VPS13D: variants seen among roughly 807,000 people sequenced by gnomAD.
VPS13D encodes intermembrane lipid transfer protein VPS13D.
Under a neutral mutation model 461.9 loss-of-function variants are expected in VPS13D, and 187 were observed. The observed-to-expected ratio is 0.40, with a 90% CI of 0.36 to 0.46. VPS13D has a LOEUF of 0.46. Ranked by LOEUF, VPS13D falls within the 20% of genes least tolerant of loss-of-function variation. The pLI, the probability that VPS13D is intolerant of heterozygous loss-of-function variation, is 0.60. For synonymous variants in VPS13D, 1,951 were observed against 1,986.3 expected (o/e 0.98, Z 0.47); for missense variants, 4,711 against 5,364.9 (o/e 0.88, Z 3.81).
intron 57 of VPS13D, among the ~76,000 whole-genome samples, chr1:12,379,915 C>T (rs1056077047): frequency 2.0e-5 from 3 of 152,016 alleles, no homozygotes; most frequent in South Asian, 4.2e-4. Flanking sequence ...ACTACAGGTG[C>T]CCGCCACCAC....
At chr1:12,355,283 A>G (rs1246379705) in intron 47 of VPS13D, among the ~76,000 whole-genome samples, 2 of 152,230 alleles carry the variant, frequency 1.3e-5, no homozygotes, top group African/African-American at 2.4e-5. Context: ...CGGAGTCCTC[A>G]GGCCATATTT....
At chr1:12,463,688 G>T (rs1010276656) in intron 67 of VPS13D, among the ~76,000 whole-genome samples, 3 of 152,140 alleles carry the variant, frequency 2.0e-5, no homozygotes, top group Non-Finnish European at 4.4e-5. Flanking sequence ...CTGGAAGGTT[G>T]AGGCTGCAGT....
chr1:12,462,919 T>C (rs1162382620), intron 67 of VPS13D, among the ~76,000 whole-genome samples: 1 of 152,140 alleles, frequency 6.6e-6, no homozygotes, highest in Non-Finnish European at 1.5e-5. Flanking sequence ...ACTCCTCATC[T>C]CAGCCCAATG....
chr1:12,303,012 G>A (rs573623632), intron 25 of VPS13D, among the ~76,000 whole-genome samples: 6 of 152,038 alleles, frequency 3.9e-5, no homozygotes, highest in African/African-American at 1.4e-4. Flanking sequence ...CATCTGTGAA[G>A]TTCACCTCCC....
intron 68 of VPS13D, among the ~76,000 whole-genome samples, chr1:12,506,387 G>A (rs1002952984): frequency 3.3e-5 from 5 of 152,206 alleles, no homozygotes; most frequent in Non-Finnish European, 4.4e-5. Flanking sequence ...GTCCCTGGAG[G>A]TGCTGAGCTT....
intron 29 of VPS13D, among the ~76,000 whole-genome samples, chr1:12,313,299 CTTTTTTTTTTTTTTTT>C (rs765170972): frequency 1.6e-3 from 191 of 117,584 alleles, no homozygotes; most frequent in African/African-American, 6.2e-3. Flanking sequence ...TTATTCTTTC[CTTTTTTTTTTTTTTTT>C]TTTTTTTTTT....
At chr1:12,353,850 A>T in intron 46 of VPS13D, 124 bp from the exon 47 acceptor site, 2 of 1,016,584 alleles carry the variant, frequency 2.0e-6, no homozygotes, top group Non-Finnish European at 1.4e-6. Flanking sequence ...ATTTGGATTG[A>T]AAACTGCAAA....
chr1:12,278,063 T>A (rs1641668325), intron 19 of VPS13D, 25 bp downstream of exon 19: 1 of 1,569,200 alleles, frequency 6.4e-7, no homozygotes. Context: ...TCTTTTGTTC[T>A]ATTTTGTTTA....
intron 2 of VPS13D, among the ~76,000 whole-genome samples, chr1:12,238,196 A>AAT (rs1235956975): frequency 1.1e-4 from 15 of 138,870 alleles, no homozygotes; most frequent in South Asian, 2.5e-4. Context: ...TCCCCCCCAA[A>AAT]ATATATATAT....
At chr1:12,312,515 T>G (rs1464207820) in intron 29 of VPS13D, among the ~76,000 whole-genome samples, 1 of 152,140 alleles carries the variant, frequency 6.6e-6, no homozygotes, top group Non-Finnish European at 1.5e-5. Context: ...CCCAGCACTT[T>G]AGGAAGCCAA....
intron 55 of VPS13D, among the ~76,000 whole-genome samples, chr1:12,376,484 G>T (rs1167069595): frequency 6.6e-6 from 1 of 152,218 alleles, no homozygotes; most frequent in Non-Finnish European, 1.5e-5. Flanking sequence ...TGCCAGGCAT[G>T]TACTAATAAG....
chr1:12,470,464 T>C (rs564658040), intron 67 of VPS13D, among the ~76,000 whole-genome samples: 12 of 152,326 alleles, frequency 7.9e-5, no homozygotes, highest in African/African-American at 2.9e-4. Flanking sequence ...TGTGTTTCTA[T>C]TTTTGTTTGA....
rs184561377 is a variant in VPS13D, at chr1:12,297,523, T to C, written c.6034-1679T>C. On this transcript the variant is annotated intron_variant, in intron 24 of 69. Coordinates refer to ENST00000620676, the MANE Select transcript of VPS13D (RefSeq NM_015378.4). ...GCTATGTGACCATCAGGGAGTTATTTTTCTTACTATTCTTCCCTTGACTCA... is the reference window on the plus strand; with the variant it reads ...GCTATGTGACCATCAGGGAGTTATTCTTCTTACTATTCTTCCCTTGACTCA... Among the ~76,000 whole-genome samples the C allele has an allele frequency of 1.8e-4, 27 of 152,344 alleles. No homozygotes were observed. In the East Asian group the frequency reaches 5.2e-3, roughly 29 times the overall value.
chr1:12,312,034 T>C lies in VPS13D; in HGVS notation c.6935+109T>C, dbSNP rs922032854. ...GCAGAGTGGTGGCCCACAGATGGAA[T>C]GTTGTCTGCAGAGTGTCTTTTGGTT... On this transcript the variant is annotated intron_variant, in intron 29 of 69. Transcript: ENST00000620676. 3.4e-6 allele frequency: 3 copies of C among 879,904 alleles called. No individual in the cohort carries two copies. The African/African-American group carries it at 5.1e-5, about 15-fold the overall frequency. 54.5% of individuals were successfully genotyped at this position (879,904 alleles called of 1,614,324 possible). A position where few individuals can be genotyped will look rare whatever the true frequency, so the allele number is the denominator to read the frequency against.
chr1:12,363,511 A>G (rs1027858788), intron 52 of VPS13D, among the ~76,000 whole-genome samples: 2 of 152,162 alleles, frequency 1.3e-5, no homozygotes, highest in Non-Finnish European at 2.9e-5. Context: ...GCAACTTTGA[A>G]AGGTCTGTCT....
intron 65 of VPS13D, among the ~76,000 whole-genome samples, chr1:12,445,742 A>G (rs962337376): frequency 6.6e-6 from 1 of 152,224 alleles, no homozygotes; most frequent in African/African-American, 2.4e-5. Context: ...CCTTCTTTTG[A>G]CCTTTCATTT....
In VPS13D at chr1:12,266,519, T is replaced by C. The variant is rs182655481; in HGVS notation, c.1595-362T>C. Among the ~76,000 whole-genome samples the C allele has an allele frequency of 1.3e-3, 194 of 152,380 alleles. 1 individual carries two copies. Among genetic ancestry groups the C allele is most frequent in the South Asian group, 8.9e-3 (43 of 4,830 alleles). On this transcript the variant is annotated intron_variant, in intron 13 of 69. Coordinates refer to ENST00000620676, the MANE Select transcript of VPS13D (RefSeq NM_015378.4). ...TGAAGATTCACAGGATTGTTAGCAC[T>C]TTCTAGCAATAAAATATTTTAAAAT...
In VPS13D at chr1:12,511,822, G is replaced by A. The variant is rs1646187025; in HGVS notation, c.*2798G>A. ...CCAAGAGTGTCTTGCTGCTTGGTGG[G>A]TGCTCATCGCAATGTTCTGAAGGCT... On this transcript the variant is annotated 3_prime_UTR_variant, in exon 70 of 70. Coordinates refer to ENST00000620676, the MANE Select transcript of VPS13D (RefSeq NM_015378.4). This position sits in a 1 kb window ranked among gnomAD's most constrained non-coding sequence, Gnocchi z 4.5. The A allele has an allele frequency of 6.6e-6, 1 of 152,202 alleles. No homozygotes were observed. Among genetic ancestry groups the A allele is most frequent in the Non-Finnish European group, 1.5e-5 (1 of 68,070 alleles). The allele number at this position is 152,202 out of a possible 1,614,324, so 9.4% of individuals were successfully genotyped here. A position where few individuals can be genotyped will look rare whatever the true frequency, so the allele number is the denominator to read the frequency against.
rs1243830970 is a variant in VPS13D, at chr1:12,327,065, ACT to A, written c.7991-580_7991-579del. ...TAATGTTTATTACACTCCAGGCTTC[ACT>A]CTGAGAACTTTCCATGTACTCATTC... On this transcript the variant is annotated intron_variant, in intron 35 of 69. Transcript: ENST00000620676. 6.6e-5 allele frequency among the ~76,000 whole-genome samples: 10 copies of A among 152,282 alleles called. No individual in the cohort carries two copies. In the South Asian group the frequency reaches 2.1e-3, roughly 32 times the overall value.
Sources: gnomAD v4.1 joint callset for allele counts (sites outside exome capture counted in the v4.1 genomes callset) on GRCh38, gnomAD v4.1.1 for gene constraint, Gnocchi (gnomAD v3.1) non-coding constraint, MANE v1.5 for transcripts, NCBI Gene and HGNC (gene_info 2026-07-23, HGNC 2026-07-21) for gene names.